The following MED12L variants were observed in gnomAD, a reference collection of about 807,000 sequenced individuals.
MED12L encodes the protein mediator complex subunit 12L.
In MED12L, 60 loss-of-function variants were observed where a neutral mutation model predicts 281.3. The ratio of observed to expected loss-of-function variants is 0.21; its 90% confidence interval spans 0.17 to 0.26. The LOEUF (loss-of-function observed/expected upper bound fraction) is 0.26, where lower values mean the gene tolerates loss of function less well. Ranked by LOEUF, MED12L falls within the 10% of genes least tolerant of loss-of-function variation. The pLI is 1.00. For synonymous variants in MED12L, 974 were observed against 987.2 expected (o/e 0.99, Z 0.25); for missense variants, 2,146 against 2,680.9 (o/e 0.80, Z 4.41).
intron 16 of MED12L, among the ~76,000 whole-genome samples, chr3:151,295,647 C>G (rs1306425511): frequency 2.0e-5 from 3 of 152,124 alleles, no homozygotes; most frequent in Non-Finnish European, 2.9e-5. Flanking sequence ...AATATATCTT[C>G]CCTTCCCTTG....
At chr3:151,385,625 C>T (rs1273379566) in intron 36 of MED12L, among the ~76,000 whole-genome samples, 2 of 151,460 alleles carry the variant, frequency 1.3e-5, no homozygotes, top group African/African-American at 4.9e-5. Flanking sequence ...TTGCTTGAAG[C>T]CAGGAGTTTA....
intron 5 of MED12L, among the ~76,000 whole-genome samples, chr3:151,154,678 G>T (rs962099123): frequency 6.6e-6 from 1 of 152,112 alleles, no homozygotes; most frequent in South Asian, 2.1e-4. Context: ...GTTAGGATTT[G>T]GATCCTTGTT....
chr3:151,401,269 G>GT (rs796782093), intron 39 of MED12L, among the ~76,000 whole-genome samples: 1 of 138,444 alleles, frequency 7.2e-6, no homozygotes, highest in Admixed American at 7.3e-5. Flanking sequence ...AATTTATTCA[G>GT]TTTTTTTGTT....
intron 16 of MED12L, among the ~76,000 whole-genome samples, chr3:151,241,244 C>T (rs2149380804): frequency 6.6e-6 from 1 of 152,246 alleles, no homozygotes; most frequent in African/African-American, 2.4e-5. Context: ...TGATATTTTA[C>T]AATTTTTTAC....
intron 39 of MED12L, among the ~76,000 whole-genome samples, chr3:151,403,511 C>T (rs1440298455): frequency 6.6e-6 from 1 of 152,226 alleles, no homozygotes; most frequent in Non-Finnish European, 1.5e-5. Context: ...CAACGGAACA[C>T]ATCATCTCTA....
At chr3:151,140,354 A>T (rs964184972) in intron 5 of MED12L, among the ~76,000 whole-genome samples, 4 of 152,192 alleles carry the variant, frequency 2.6e-5, no homozygotes, top group African/African-American at 9.6e-5. Flanking sequence ...GATTTGTAGA[A>T]CTTTTTTCTC....
intron 16 of MED12L, chr3:151,338,819 A>G: frequency 6.2e-7 from 1 of 1,613,864 alleles, no homozygotes; most frequent in Non-Finnish European, 8.5e-7. Context: ...TACCAGGCGC[A>G]GAGGTGAGGT....
intron 8 of MED12L, among the ~76,000 whole-genome samples, chr3:151,161,776 A>G (rs1413175012): frequency 6.6e-6 from 1 of 152,088 alleles, no homozygotes; most frequent in Non-Finnish European, 1.5e-5. Context: ...ATCAGGATCC[A>G]GAGTCCACAC....
chr3:151,365,806 C>A, intron 22 of MED12L, 44 bp from the exon 23 acceptor site: 1 of 1,520,110 alleles, frequency 6.6e-7, no homozygotes, highest in Non-Finnish European at 8.9e-7. Context: ...GAGTATTTCT[C>A]TTTTGTACAA....
chr3:151,393,256 A>G (rs1358987829), intron 38 of MED12L, among the ~76,000 whole-genome samples: 1 of 152,172 alleles, frequency 6.6e-6, no homozygotes, highest in Non-Finnish European at 1.5e-5. Context: ...CAGTAGGGGA[A>G]AGAAGAAAGA....
intron 16 of MED12L, among the ~76,000 whole-genome samples, chr3:151,323,486 GC>G (rs1749227039): frequency 6.6e-6 from 1 of 152,074 alleles, no homozygotes. Context: ...GTAGGCTCAG[GC>G]CCCCTGCAAC....
Position 151,435,664 on chromosome 3 carries a change from A to AAATT in MED12L, c.*2862_*2865dup, listed in dbSNP as rs1449611289. On this transcript the variant is annotated 3_prime_UTR_variant, in exon 45 of 45. Coordinates refer to ENST00000687756, the MANE Select transcript of MED12L (RefSeq NM_001393769.1). ...GTGAATGTTTGAATAGATGCTGGAG[A>AAATT]AATTACACTGGAAAACCCCACCCCT... 6.6e-6 allele frequency: 1 copy of AAATT among 152,194 alleles called. No homozygotes were observed. Among genetic ancestry groups the AAATT allele is most frequent in the African/African-American group, 2.4e-5 (1 of 41,428 alleles). The allele number at this position is 152,194 out of a possible 1,614,324, so 9.4% of individuals were successfully genotyped here.
intron 13 of MED12L, among the ~76,000 whole-genome samples, chr3:151,188,898 G>A (rs1723608179): frequency 6.6e-6 from 1 of 152,122 alleles, no homozygotes; most frequent in African/African-American, 2.4e-5. Flanking sequence ...ATTTATAGAT[G>A]CCTAGCTGCT....
Position 151,376,914 on chromosome 3 carries a change from A to G in MED12L, c.4128+40A>G, listed in dbSNP as rs772823769. Reference sequence around the variant, plus strand: ...AAAGCTTATCTCTGTATGAAATTTTATAAAAAGCAAAAACACGTTGATGTT... The same window carrying G: ...AAAGCTTATCTCTGTATGAAATTTTGTAAAAAGCAAAAACACGTTGATGTT... On this transcript the variant is annotated intron_variant, in intron 29 of 44. Coordinates refer to ENST00000687756, the MANE Select transcript of MED12L (RefSeq NM_001393769.1). 2.5e-6 allele frequency: 4 copies of G among 1,611,954 alleles called. No individual in the cohort carries two copies. The African/African-American group carries it at 5.3e-5, about 22-fold the overall frequency.
At chr3:151,149,269 T>G (rs1391627240) in intron 5 of MED12L, among the ~76,000 whole-genome samples, 3 of 152,180 alleles carry the variant, frequency 2.0e-5, no homozygotes, top group Non-Finnish European at 4.4e-5. Context: ...AATGTTAGAA[T>G]ACAGGCAAGT....
At chr3:151,133,038 A>T (rs1350075597) in intron 5 of MED12L, among the ~76,000 whole-genome samples, 1 of 152,248 alleles carries the variant, frequency 6.6e-6, no homozygotes, top group Non-Finnish European at 1.5e-5. Flanking sequence ...GATAGCAAAA[A>T]GAATCATTCA....
chr3:151,252,855 G>T (rs1210389794), intron 16 of MED12L, among the ~76,000 whole-genome samples: 1 of 152,030 alleles, frequency 6.6e-6, no homozygotes, highest in Non-Finnish European at 1.5e-5. Context: ...ACTGGTATTT[G>T]GGGTTGTGTG....
At chr3:151,429,455 G>A (rs1240230943) in intron 43 of MED12L, among the ~76,000 whole-genome samples, 1 of 152,244 alleles carries the variant, frequency 6.6e-6, no homozygotes, top group Non-Finnish European at 1.5e-5. Flanking sequence ...GAGGAGAGAA[G>A]AGGGTTGGAG....
At chr3:151,296,621 G>A (rs73006510) in intron 16 of MED12L, among the ~76,000 whole-genome samples, 8,740 of 151,784 alleles carry the variant, frequency 0.058, 856 homozygotes, top group African/African-American at 0.2. Flanking sequence ...TTGGAAGGCT[G>A]TGCCAGCCTT....
Sources: allele counts gnomAD v4.1 joint callset (sites outside exome capture counted in the v4.1 genomes callset), GRCh38; gene constraint gnomAD v4.1.1; transcripts MANE v1.5; gene names NCBI Gene and HGNC (gene_info 2026-07-23, HGNC 2026-07-21).